The following DPH6 variants were observed in gnomAD, a reference collection of about 807,000 sequenced individuals.
DPH6 encodes diphthine--ammonia ligase.
DPH6 carries 33 observed loss-of-function variants against 38.2 expected under a neutral mutation model. The ratio of observed to expected loss-of-function variants is 0.86; its 90% CI spans 0.65 to 1.15. The LOEUF (loss-of-function observed/expected upper bound fraction) is 1.15, where lower values mean the gene tolerates loss of function less well. DPH6 is among the 50% of genes most tolerant of loss of function. DPH6 has a pLI of 0.00. For missense variants in DPH6, 325 were observed against 320.0 expected (o/e 1.02, Z -0.12); for synonymous variants, 108 against 103.0 (o/e 1.05, Z -0.30).
chr15:35,439,233 T>G (rs758834681), intron 5 of DPH6, among the ~76,000 whole-genome samples: 1 of 152,236 alleles, frequency 6.6e-6, no homozygotes, highest in Non-Finnish European at 1.5e-5. Flanking sequence ...ACCGAACTAA[T>G]GAAAAACTGA....
downstream of DPH6, among the ~76,000 whole-genome samples, chr15:35,212,954 T>C (rs1434600850): frequency 6.6e-6 from 1 of 152,260 alleles, no homozygotes; most frequent in Middle Eastern, 3.2e-3. Context: ...AAATAATTTA[T>C]ATTTGACATT....
intron 3 of DPH6, among the ~76,000 whole-genome samples, chr15:35,268,320 A>T (rs2051797768): frequency 6.6e-6 from 1 of 152,054 alleles, no homozygotes; most frequent in Non-Finnish European, 1.5e-5. Context: ...TTGAAGCTAG[A>T]TAGAACAGAC....
intron 3 of DPH6, among the ~76,000 whole-genome samples, chr15:35,246,000 A>C (rs2051635443): frequency 6.6e-6 from 1 of 152,084 alleles, no homozygotes; most frequent in African/African-American, 2.4e-5. Flanking sequence ...AACTGATGAC[A>C]TTACCTTGTG....
intron 6 of DPH6, among the ~76,000 whole-genome samples, chr15:35,382,220 G>C (rs2052878221): frequency 6.6e-6 from 1 of 151,732 alleles, no homozygotes; most frequent in African/African-American, 2.4e-5. Flanking sequence ...CGGATCACAA[G>C]GTCAGGAGAT....
intron 3 of DPH6, among the ~76,000 whole-genome samples, chr15:35,358,232 G>T (rs1045053812): frequency 1.3e-5 from 2 of 151,840 alleles, no homozygotes; most frequent in African/African-American, 2.4e-5. Flanking sequence ...CTGAATTTTT[G>T]ATTTTTTTTT....
At chr15:35,514,704 G>C (rs1022732061) in intron 3 of DPH6, among the ~76,000 whole-genome samples, 39 of 152,164 alleles carry the variant, frequency 2.6e-4, no homozygotes, top group Non-Finnish European at 8.8e-5. Flanking sequence ...GACCAGGGGA[G>C]AGAAACTTAT....
At chr15:35,359,675 G>T (rs1053335625) in intron 3 of DPH6, among the ~76,000 whole-genome samples, 6 of 152,268 alleles carry the variant, frequency 3.9e-5, no homozygotes, top group East Asian at 1.9e-4. Flanking sequence ...GGAGAGAAAG[G>T]TCTCCCTTTG....
At chr15:35,347,377 C>A (rs573299201) in intron 3 of DPH6, among the ~76,000 whole-genome samples, 1 of 151,880 alleles carries the variant, frequency 6.6e-6, no homozygotes, top group East Asian at 1.9e-4. Flanking sequence ...GGCTCAAACT[C>A]CCGGGTTTAA....
At chr15:35,468,550 G>A (rs2054156559) in intron 3 of DPH6, among the ~76,000 whole-genome samples, 1 of 152,182 alleles carries the variant, frequency 6.6e-6, no homozygotes, top group Non-Finnish European at 1.5e-5. Flanking sequence ...CACGGTAGGA[G>A]CAAGGGAAAT....
chr15:35,502,202 A>G (rs1020185604), intron 3 of DPH6, among the ~76,000 whole-genome samples: 1 of 152,114 alleles, frequency 6.6e-6, no homozygotes, highest in East Asian at 1.9e-4. Context: ...TCACAGGAAT[A>G]TGTACATTGT....
chr15:35,269,790 CTT>C (rs1198000526), intron 3 of DPH6, among the ~76,000 whole-genome samples: 5 of 108,532 alleles, frequency 4.6e-5, no homozygotes, highest in Non-Finnish European at 7.6e-5. Context: ...GGGTGTGTTT[CTT>C]TTTTTTTTTT....
chr15:35,303,599 T>C (rs1243807473), intron 3 of DPH6, among the ~76,000 whole-genome samples: 5 of 151,764 alleles, frequency 3.3e-5, no homozygotes, highest in Non-Finnish European at 5.9e-5. Context: ...ACTGTGACGT[T>C]ACAGCTTTGC....
chr15:35,360,068 G>C (rs1371201362), intron 3 of DPH6, among the ~76,000 whole-genome samples: 1 of 152,054 alleles, frequency 6.6e-6, no homozygotes, highest in African/African-American at 2.4e-5. Flanking sequence ...GGTTATGTTT[G>C]CTTGATTTTT....
intron 3 of DPH6, among the ~76,000 whole-genome samples, chr15:35,227,989 T>C (rs779925946): frequency 2.0e-5 from 3 of 152,202 alleles, no homozygotes; most frequent in African/African-American, 4.8e-5. Context: ...CAGAAGATGC[T>C]TGCTATTTTT....
chr15:35,167,572 T>TAA, the DPH6 span, among the ~76,000 whole-genome samples: 1 of 143,894 alleles, frequency 6.9e-6, no homozygotes, highest in African/African-American at 2.6e-5. Context: ...GTCTTTTTTT[T>TAA]AAAAAAAAAA....
chr15:35,191,126 C>A, the DPH6 span, among the ~76,000 whole-genome samples: 1 of 152,150 alleles, frequency 6.6e-6, no homozygotes, highest in African/African-American at 2.4e-5. Context: ...TACCATCAAT[C>A]ATTGTTTAAT....
intron 3 of DPH6, among the ~76,000 whole-genome samples, chr15:35,331,378 A>G (rs549924975): frequency 6.6e-6 from 1 of 152,226 alleles, no homozygotes; most frequent in African/African-American, 2.4e-5. Flanking sequence ...CATTTCAGGT[A>G]TACATAAATC....
intron 3 of DPH6, among the ~76,000 whole-genome samples, chr15:35,496,833 T>G (rs1391296390): frequency 6.6e-6 from 1 of 151,898 alleles, no homozygotes; most frequent in African/African-American, 2.4e-5. Context: ...CTCTGGGCAC[T>G]GCAGCAACAC....
At chr15:35,473,957 T>TGTGTGTGTGTGTGTGC (rs1480867662) in intron 3 of DPH6, among the ~76,000 whole-genome samples, 1 of 38,424 alleles carries the variant, frequency 2.6e-5, no homozygotes, top group African/African-American at 3.5e-5. Context: ...TGTGTGTGTG[T>TGTGTGTGTGTGTGTGC]GCGCGCGCGC....
Sources: gnomAD v4.1 joint callset for allele counts (sites outside exome capture counted in the v4.1 genomes callset) on GRCh38, gnomAD v4.1.1 for gene constraint, MANE v1.5 for transcripts, NCBI Gene and HGNC (gene_info 2026-07-23, HGNC 2026-07-21) for gene names.